HECA: variants seen among roughly 807,000 people sequenced by gnomAD.
The protein encoded by HECA is HECA ribonucleoprotein granule regulator, also known as headcase protein homolog.
In HECA, 13 loss-of-function variants were observed where a neutral mutation model predicts 37.6. The observed-to-expected ratio is 0.35, with a 90% CI of 0.23 to 0.55. The LOEUF (loss-of-function observed/expected upper bound fraction) is 0.55, where lower values mean the gene tolerates loss of function less well. Among genes scored for constraint, HECA ranks in the 20% least tolerant of loss-of-function variants. The pLI is 0.90. For missense variants in HECA, 527 were observed against 701.9 expected (o/e 0.75, Z 2.82); for synonymous variants, 307 against 291.5 (o/e 1.05, Z -0.54).
rs1774900964 is a variant in HECA at position 139,167,104 on chromosome 6, C to G, written c.1092C>G (p.Phe364Leu). 1 of 1,614,222 alleles carries G rather than the reference C, an allele frequency of 6.2e-7. No homozygotes were observed. The highest frequency in any genetic ancestry group is 8.5e-7 in the Non-Finnish European group (1 of 1,180,038). ...TCCCCAGGCATAAGCTGAACACTTT[C>G]CACGTGCGCATGGAAGACGATGCCC... is the stretch of plus-strand genomic sequence containing the variant. ...THIPRHKLNT[F>L]HVRMEDDAQV... Residue 364 changes from phenylalanine (F) to leucine (L), a missense_variant, in exon 2 of 4, where the codon TTC becomes TTG. Around this residue, in one of 4 missense-constraint regions of HECA, gnomAD observed 228 missense variants for 259.8 expected, o/e 0.88. Coordinates refer to ENST00000367658, the MANE Select transcript of HECA (RefSeq NM_016217.3).
intron 1 of HECA, among the ~76,000 whole-genome samples, chr6:139,154,383 C>A (rs1397312215): frequency 6.6e-6 from 1 of 151,080 alleles, no homozygotes; most frequent in African/African-American, 2.4e-5. Flanking sequence ...ATTCACATTC[C>A]AAAAAAAAAC....
chr6:139,135,396 G>A lies in HECA; in HGVS notation c.-1G>A. On this transcript the variant is annotated 5_prime_UTR_variant, in exon 1 of 4. Coordinates refer to ENST00000367658, the MANE Select transcript of HECA (RefSeq NM_016217.3). ...CACCTACCTGGACGCGAGCGAGCGA[G>A]ATGCCCAACCCCAAAAACAGCAAAG... 7.2e-7 allele frequency: 1 copy of A among 1,380,344 alleles called. No individual in the cohort carries two copies. Among genetic ancestry groups the A allele is most frequent in the Non-Finnish European group, 9.6e-7 (1 of 1,045,546 alleles). 85.5% of individuals were successfully genotyped at this position (1,380,344 alleles called of 1,614,324 possible).
intron 1 of HECA, among the ~76,000 whole-genome samples, chr6:139,136,861 C>G (rs1774454316): frequency 6.6e-6 from 1 of 152,082 alleles, no homozygotes; most frequent in African/African-American, 2.4e-5. Context: ...GTCTCGAACT[C>G]CTGACCTCGT....
In HECA at chr6:139,179,749, G is replaced by T. The variant is rs1219008511; in HGVS notation, c.*2644G>T. On this transcript the variant is annotated 3_prime_UTR_variant, in exon 4 of 4. Transcript: ENST00000367658. ...GCCCTGAATACTTTGATTGGAATTGGAATATATCAAAAAAGGTTAGTATTT... is the reference window on the plus strand; with the variant it reads ...GCCCTGAATACTTTGATTGGAATTGTAATATATCAAAAAAGGTTAGTATTT... 1.3e-5 allele frequency: 2 copies of T among 151,994 alleles called. No individual in the cohort carries two copies. Among genetic ancestry groups the T allele is most frequent in the Non-Finnish European group, 2.9e-5 (2 of 67,990 alleles). The allele number at this position is 151,994 out of a possible 1,614,324, so 9.4% of individuals were successfully genotyped here.
At chr6:139,154,430 C>G (rs1774689479) in intron 1 of HECA, among the ~76,000 whole-genome samples, 4 of 152,232 alleles carry the variant, frequency 2.6e-5, no homozygotes, top group African/African-American at 9.6e-5. Context: ...GCAGGCCAAA[C>G]TGCCCCATTG....
rs749168946 is a variant in HECA, at chr6:139,135,498, CGCGGCGGGA to C, written c.110_118del (p.Gly37_Ala39del). The C allele has an allele frequency of 1.4e-5, 16 of 1,160,226 alleles. No individual in the cohort carries two copies. Among genetic ancestry groups the C allele is most frequent in the African/African-American group, 6.6e-5 (4 of 60,714 alleles). 71.9% of individuals were successfully genotyped at this position (1,160,226 alleles called of 1,614,324 possible). On this transcript the variant is annotated inframe_deletion, in exon 1 of 4. Transcript: ENST00000367658. Reference sequence around the variant, plus strand: ...GAGCCGGGGCCCTGGCAGCGGCGGGCGCGGCGGGAGCGGCGGCCGGGGGGGCCCTGGCGG... The same window carrying C: ...GAGCCGGGGCCCTGGCAGCGGCGGGCGCGGCGGCCGGGGGGGCCCTGGCGG...
intron 1 of HECA, among the ~76,000 whole-genome samples, chr6:139,146,277 T>C (rs1774582542): frequency 6.6e-6 from 1 of 152,242 alleles, no homozygotes; most frequent in Admixed American, 6.5e-5. Context: ...ACTTGCCACA[T>C]TGAAAATGTA....
chr6:139,150,854 C>T (rs150222872), intron 1 of HECA, among the ~76,000 whole-genome samples: 1 of 152,112 alleles, frequency 6.6e-6, no homozygotes, highest in Non-Finnish European at 1.5e-5. Context: ...GAGTCTGTAA[C>T]TCTAAGTTTA....
intron 1 of HECA, among the ~76,000 whole-genome samples, chr6:139,146,222 CAA>C (rs1160915733): frequency 6.6e-6 from 1 of 152,142 alleles, no homozygotes; most frequent in Non-Finnish European, 1.5e-5. Context: ...TGAATTCAGA[CAA>C]AAGTTAGTAA....
intron 1 of HECA, among the ~76,000 whole-genome samples, chr6:139,143,817 C>T (rs1054043636): frequency 4.7e-5 from 7 of 149,890 alleles, no homozygotes; most frequent in Admixed American, 1.3e-4. Flanking sequence ...GCCGAGATTG[C>T]GCCACTGCAC....
At position 139,135,496 on chromosome 6, in the gene HECA, G is replaced by C; in HGVS notation, c.100G>C (p.Gly34Arg). ...ENGAGALAAA[G>R]AAGAAAGGAL... The stretch of plus-strand genomic sequence containing the variant: ...TGGAGCCGGGGCCCTGGCAGCGGCG[G>C]GCGCGGCGGGAGCGGCGGCCGGGGG... Residue 34 changes from glycine (G) to arginine (R), a missense_variant, in exon 1 of 4, where the codon GGC becomes CGC. By Grantham distance (125) the Gly-to-Arg change is moderately radical. Transcript: ENST00000367658. 6 of 1,165,032 alleles carry C rather than the reference G, an allele frequency of 5.2e-6. No individual in the cohort carries two copies. Among genetic ancestry groups the C allele is most frequent in the Non-Finnish European group, 6.5e-6 (6 of 927,638 alleles). The allele number at this position is 1,165,032 out of a possible 1,614,324, so 72.2% of individuals were successfully genotyped here.
intron 1 of HECA, among the ~76,000 whole-genome samples, chr6:139,152,076 A>C (rs1035264262): frequency 1.3e-5 from 2 of 152,230 alleles, no homozygotes; most frequent in Admixed American, 6.5e-5. Flanking sequence ...AGGATAAACT[A>C]TGACACTATT....
chr6:139,174,754 A>G, intron 3 of HECA: 3 of 557,676 alleles, frequency 5.4e-6, no homozygotes, highest in South Asian at 3.7e-5. Flanking sequence ...CATTTCCAGT[A>G]TATTAGGTCA....
chr6:139,174,711 A>T, intron 3 of HECA, 172 bp downstream of exon 3: 1 of 865,758 alleles, frequency 1.2e-6, no homozygotes, highest in Non-Finnish European at 1.6e-6. Context: ...ATTAAAAGGA[A>T]TACTGTAGAA....
intron 1 of HECA, among the ~76,000 whole-genome samples, chr6:139,140,451 A>C (rs1180396953): frequency 6.6e-6 from 1 of 152,170 alleles, no homozygotes; most frequent in Admixed American, 6.5e-5. Flanking sequence ...CTTCCTGTAC[A>C]CTTCGTGTAT....
rs1775085094 is a variant in HECA, at chr6:139,178,522, T to C, written c.*1417T>C. On this transcript the variant is annotated 3_prime_UTR_variant, in exon 4 of 4. Transcript: ENST00000367658. ...ACTTTTTTTTTTTTTTTTTTAACTG[T>C]GTGGTTTTTCTTTTCAGAAGTATTT... 1 of 150,242 alleles carries C rather than the reference T, an allele frequency of 6.7e-6. No individual in the cohort carries two copies. Among genetic ancestry groups the C allele is most frequent in the South Asian group, 2.1e-4 (1 of 4,754 alleles). The allele number at this position is 150,242 out of a possible 1,614,324, so 9.3% of individuals were successfully genotyped here. A position where few individuals can be genotyped will look rare whatever the true frequency, so the allele number is the denominator to read the frequency against.
intron 1 of HECA, among the ~76,000 whole-genome samples, chr6:139,161,263 TTG>T: frequency 6.6e-6 from 1 of 152,140 alleles, no homozygotes; most frequent in East Asian, 1.9e-4. Flanking sequence ...GAAGTGTCTG[TTG>T]TGTGTATTAC....
At chr6:139,168,578 G>A (rs1193049970) in intron 2 of HECA, among the ~76,000 whole-genome samples, 2 of 151,776 alleles carry the variant, frequency 1.3e-5, no homozygotes, top group African/African-American at 2.4e-5. Flanking sequence ...TTACCCTCCT[G>A]CTTCTACCTG....
chr6:139,158,058 A>C (rs559533630), intron 1 of HECA, among the ~76,000 whole-genome samples: 1 of 152,306 alleles, frequency 6.6e-6, no homozygotes, highest in South Asian at 2.1e-4. Flanking sequence ...ACAATTGCTT[A>C]TAGTTAAACA....
Sources: allele counts gnomAD v4.1 joint callset (sites outside exome capture counted in the v4.1 genomes callset), GRCh38; gene constraint gnomAD v4.1.1; regional missense constraint gnomAD v4.1.1; transcripts MANE v1.5; gene names NCBI Gene and HGNC (gene_info 2026-07-23, HGNC 2026-07-21).